Variants in DLST observed in about 807,000 individuals in gnomAD.
DLST encodes the protein dihydrolipoyllysine-residue succinyltransferase component of 2-oxoglutarate dehydrogenase complex, mitochondrial.
In DLST, 17 loss-of-function variants were observed where a neutral mutation model predicts 53.1. The observed-to-expected ratio is 0.32, with a 90% confidence interval of 0.22 to 0.48. The LOEUF (loss-of-function observed/expected upper bound fraction) is 0.48. DLST is among the 20% of genes least tolerant of loss of function. The pLI is 0.99. For missense variants in DLST, 512 were observed against 583.9 expected (o/e 0.88, Z 1.27); for synonymous variants, 206 against 204.8 (o/e 1.01, Z -0.05).
At chr14:74,888,244 G>T (rs974365962) in intron 3 of DLST, among the ~76,000 whole-genome samples, 1 of 151,512 alleles carries the variant, frequency 6.6e-6, no homozygotes, top group Non-Finnish European at 1.5e-5. Context: ...GATACCATAT[G>T]GGGTTTGTGT....
chr14:74,893,335 T>G lies in DLST; in HGVS notation c.596-13T>G. On this transcript the variant is annotated splice_polypyrimidine_tract_variant and intron_variant, in intron 8 of 14. Transcript: ENST00000334220. ...CCTTGTCTGATGCAGCTTTATCCTCTTTTCATTTTCAGTGTCTGCAGTAAA... is the reference window on the plus strand; with the variant it reads ...CCTTGTCTGATGCAGCTTTATCCTCGTTTCATTTTCAGTGTCTGCAGTAAA... 1 of 1,614,160 alleles carries G rather than the reference T, an allele frequency of 6.2e-7. No homozygotes were observed. The highest frequency in any genetic ancestry group is 8.5e-7 in the Non-Finnish European group (1 of 1,179,980).
chr14:74,883,553 C>CT (rs1403691027), intron 2 of DLST, among the ~76,000 whole-genome samples: 1 of 151,808 alleles, frequency 6.6e-6, no homozygotes, highest in East Asian at 1.9e-4. Context: ...TCATCCATAG[C>CT]TTTTTTTCTG....
In DLST at chr14:74,882,004, C is replaced by A; in HGVS notation, c.51C>A (p.Ser17=). ...CTCGGGCGTTCAGCCGCTCGCTCTC[C>A]GCCTTCCAGAAGGTACGGTCTGGCC... The part of the protein sequence containing the change: ...CVSRAFSRSL[S]AFQKGNCPLG... The change falls in exon 1 of 15, where the codon TCC becomes TCA. Residue 17 remains serine, a synonymous_variant. Coordinates refer to ENST00000334220, the MANE Select transcript of DLST (RefSeq NM_001933.5). 6.4e-7 allele frequency: 1 copy of A among 1,572,186 alleles called. No individual in the cohort carries two copies. Among genetic ancestry groups the A allele is most frequent in the Non-Finnish European group, 8.6e-7 (1 of 1,167,426 alleles).
Position 74,898,255 on chromosome 14 carries a change from A to T in DLST, c.771-114A>T, listed in dbSNP as rs1038561138. On this transcript the variant is annotated intron_variant, in intron 10 of 14. Coordinates refer to ENST00000334220, the MANE Select transcript of DLST (RefSeq NM_001933.5). ...ACTATTTCAAAACTTGAACTAAGGTAATGGTCCAGAGTGAGGGAAAAGCTC... is the reference window on the plus strand; with the variant it reads ...ACTATTTCAAAACTTGAACTAAGGTTATGGTCCAGAGTGAGGGAAAAGCTC... 3.0e-6 allele frequency: 4 copies of T among 1,324,984 alleles called. No homozygotes were observed. In the African/African-American group the frequency reaches 6.0e-5, roughly 20 times the overall value. The allele number at this position is 1,324,984 out of a possible 1,614,324, so 82.1% of individuals were successfully genotyped here.
chr14:74,882,507 A>C (rs1566787505), intron 1 of DLST, 84 bp from the exon 2 acceptor site: 12 of 1,388,744 alleles, frequency 8.6e-6, no homozygotes, highest in South Asian at 1.2e-5. Flanking sequence ...CACCACTGGG[A>C]CAGCTTTGAG....
At chr14:74,901,648 G>A (rs573468344) in intron 14 of DLST, among the ~76,000 whole-genome samples, 4 of 152,194 alleles carry the variant, frequency 2.6e-5, no homozygotes, top group Admixed American at 6.5e-5. Context: ...GGAGTTCAGA[G>A]AATTAAGTAT....
rs776686355 is a variant in DLST at position 74,892,825 on chromosome 14, G to A, written c.443-9G>A. 16 of 1,598,354 alleles carry A rather than the reference G, an allele frequency of 1.0e-5. No homozygotes were observed. Among genetic ancestry groups the A allele is most frequent in the Non-Finnish European group, 1.4e-5 (16 of 1,174,124 alleles). On this transcript the variant is annotated splice_polypyrimidine_tract_variant and intron_variant, in intron 7 of 14. Coordinates refer to ENST00000334220, the MANE Select transcript of DLST (RefSeq NM_001933.5). ...AGTGCCAGTGGCATATACTTTTCTT[G>A]TTTTTCAGCTGCTCCTGCTAAGGCC... is the stretch of plus-strand genomic sequence containing the variant.
chr14:74,884,246 C>T lies in DLST; in HGVS notation c.98-1340C>T, dbSNP rs1426149625. Among the ~76,000 whole-genome samples the T allele has an allele frequency of 2.6e-5, 4 of 152,172 alleles. No individual in the cohort carries two copies. The East Asian group carries it at 5.8e-4, about 22-fold the overall frequency. ...TAGAGTGGGCTGGACGGTACAGGAT[C>T]GCGTAAAGTGTGGACTTTATCCTGA... On this transcript the variant is annotated intron_variant, in intron 2 of 14. Transcript: ENST00000334220.
rs530592605 is a variant in DLST, at chr14:74,882,119, C to T, written c.63+103C>T. The T allele has an allele frequency of 2.6e-6, 3 of 1,142,754 alleles. No individual in the cohort carries two copies. In the South Asian group the frequency reaches 7.1e-5, roughly 27 times the overall value. 70.8% of individuals were successfully genotyped at this position (1,142,754 alleles called of 1,614,324 possible). ...CGCGGCGCGCCGGCCGGGCCGGGCA[C>T]CAAGGGCACTGGGACGCGGAGGCCG... is the stretch of plus-strand genomic sequence containing the variant. On this transcript the variant is annotated intron_variant, in intron 1 of 14. Coordinates refer to ENST00000334220, the MANE Select transcript of DLST (RefSeq NM_001933.5).
At chr14:74,888,640 G>C (rs1401829941) in intron 3 of DLST, among the ~76,000 whole-genome samples, 1 of 152,166 alleles carries the variant, frequency 6.6e-6, no homozygotes, top group Admixed American at 6.5e-5. Context: ...CCAGGAGTTT[G>C]AGGTTACAGT....
At chr14:74,901,310 AC>A in intron 14 of DLST, 77 bp downstream of exon 14, 3 of 1,387,778 alleles carry the variant, frequency 2.2e-6, no homozygotes, top group Non-Finnish European at 3.0e-6. Flanking sequence ...TAATTGTAAA[AC>A]ATTAACTATA....
At chr14:74,886,331 G>A (rs112225496) in intron 3 of DLST, among the ~76,000 whole-genome samples, 16 of 152,248 alleles carry the variant, frequency 1.1e-4, no homozygotes, top group African/African-American at 3.6e-4. Flanking sequence ...GAGGGTTTTT[G>A]TTGTTGTTGT....
rs45530036 is a variant in DLST, at chr14:74,899,858, A to G, written c.902-65A>G. 2.8e-3 allele frequency: 3,629 copies of G among 1,300,262 alleles called. 7 individuals carry two copies. Among genetic ancestry groups the G allele is most frequent in the Non-Finnish European group, 3.6e-3 (3,308 of 908,066 alleles). The allele number at this position is 1,300,262 out of a possible 1,614,324, so 80.5% of individuals were successfully genotyped here. A position where few individuals can be genotyped will look rare whatever the true frequency, so the allele number is the denominator to read the frequency against. On this transcript the variant is annotated intron_variant, in intron 11 of 14. Transcript: ENST00000334220. ...GCAGATTTTTACTCTGTTAATGCAC[A>G]TATTACCTCATTAGTCTTGGCCTTC...
chr14:74,902,380 T>C lies in DLST; in HGVS notation c.*50T>C, dbSNP rs760362922. The C allele has an allele frequency of 3.9e-6, 6 of 1,546,146 alleles. No individual in the cohort carries two copies. Among genetic ancestry groups the C allele is most frequent in the Admixed American group, 1.8e-5 (1 of 57,082 alleles). ...TGATCATGCAGGAACTGAAAACCAG[T>C]CTTCTCCCTGTCCCCTCATGGGTCC... On this transcript the variant is annotated 3_prime_UTR_variant, in exon 15 of 15. Coordinates refer to ENST00000334220, the MANE Select transcript of DLST (RefSeq NM_001933.5).
intron 3 of DLST, among the ~76,000 whole-genome samples, chr14:74,888,122 ATATT>A: frequency 2.0e-5 from 3 of 152,090 alleles, no homozygotes; most frequent in Non-Finnish European, 4.4e-5. Flanking sequence ...TCTCCAGTTT[ATATT>A]ATTTACTGTA....
At chr14:74,893,495 G>A (rs934782045) in intron 9 of DLST, 71 bp downstream of exon 9, 1 of 1,538,112 alleles carries the variant, frequency 6.5e-7, no homozygotes, top group African/African-American at 1.4e-5. Flanking sequence ...TATGGGTGTG[G>A]TGATGCCTAC....
chr14:74,899,903 A>T lies in DLST; in HGVS notation c.902-20A>T. The T allele has an allele frequency of 2.5e-6, 4 of 1,595,692 alleles. No individual in the cohort carries two copies. Among genetic ancestry groups the T allele is most frequent in the African/African-American group, 1.3e-5 (1 of 74,344 alleles). Reference sequence around the variant, plus strand: ...GCCTTCCTGGGGAGTTGTATGTAACATGTATTTTCTCTCTCATAGTGATTG... The same window carrying T: ...GCCTTCCTGGGGAGTTGTATGTAACTTGTATTTTCTCTCTCATAGTGATTG... On this transcript the variant is annotated intron_variant, in intron 11 of 14. Transcript: ENST00000334220.
intron 11 of DLST, 107 bp from the exon 12 acceptor site, chr14:74,899,816 A>C (rs1594881868): frequency 5.8e-6 from 5 of 864,718 alleles, no homozygotes; most frequent in Non-Finnish European, 9.3e-6. Flanking sequence ...TGGTCAGCCC[A>C]CACTGTATCA....
rs1301584712 is a variant in DLST, at chr14:74,903,517, C to T, written c.*1187C>T. The T allele has an allele frequency of 4.0e-5, 6 of 150,748 alleles. No individual in the cohort carries two copies. 9.3% of individuals were successfully genotyped at this position (150,748 alleles called of 1,614,324 possible). On this transcript the variant is annotated 3_prime_UTR_variant, in exon 15 of 15. Transcript: ENST00000334220. Reference sequence around the variant, plus strand: ...GGATTCATGGCTTTGTATCCAACTGCATCCAGGCCTGAGGCTGCTGACGTT... The same window carrying T: ...GGATTCATGGCTTTGTATCCAACTGTATCCAGGCCTGAGGCTGCTGACGTT...
Sources: allele counts gnomAD v4.1 joint callset (sites outside exome capture counted in the v4.1 genomes callset), GRCh38; gene constraint gnomAD v4.1.1; transcripts MANE v1.5; gene names NCBI Gene and HGNC (gene_info 2026-07-23, HGNC 2026-07-21).